The following NCAPH2 variants were observed in gnomAD, a reference collection of about 807,000 sequenced individuals.
NCAPH2 encodes the protein condensin-2 complex subunit H2.
Under a neutral mutation model 88.6 loss-of-function variants are expected in NCAPH2, and 56 were observed. The observed-to-expected ratio is 0.63, with a 90% CI of 0.51 to 0.79. The LOEUF is 0.79. NCAPH2 is among the 30% of genes least tolerant of loss of function. NCAPH2 has a pLI of 0.00. For missense variants in NCAPH2, 794 were observed against 792.0 expected, an observed-to-expected ratio of 1.00 and a Z score of -0.03; for synonymous variants, 378 against 313.6, an observed-to-expected ratio of 1.21 and a Z score of -2.17.
chr22:50,508,334 G>T lies in NCAPH2; in HGVS notation c.-4G>T. On this transcript the variant is annotated 5_prime_UTR_variant, in exon 1 of 20. Transcript: ENST00000420993. ...GTCCCTTTGCCGCCCGTTCCCTCCC[G>T]GACATGGAGGACGTGGAGGCGCGCT... The T allele has an allele frequency of 6.7e-7, 1 of 1,482,784 alleles. No homozygotes were observed. The highest frequency in any genetic ancestry group is 1.3e-5 in the South Asian group (1 of 76,090). 91.9% of individuals were successfully genotyped at this position (1,482,784 alleles called of 1,614,324 possible).
intron 10 of NCAPH2, 53 bp downstream of exon 10, chr22:50,521,089 G>C (rs1272690949): frequency 6.5e-7 from 1 of 1,535,362 alleles, no homozygotes; most frequent in Non-Finnish European, 8.8e-7. Flanking sequence ...CGGATTCGAG[G>C]ACTGGCTGCC....
In NCAPH2 at chr22:50,519,258, C is replaced by A; in HGVS notation, c.799C>A (p.Leu267Ile). 1 of 1,608,620 alleles carries A rather than the reference C, an allele frequency of 6.2e-7. No individual in the cohort carries two copies. The highest frequency in any genetic ancestry group is 8.5e-7 in the Non-Finnish European group (1 of 1,178,184). The change falls in exon 9 of 20, where the codon CTT (leucine) becomes ATT (isoleucine). Residue 267 changes from leucine to isoleucine, a missense_variant. Coordinates refer to ENST00000420993, the MANE Select transcript of NCAPH2 (RefSeq NM_152299.4). ...EDEDAEEAVE[L>I]PEASAPKAAL... ...CGAGGATGCAGAGGAGGCAGTAGAG[C>A]TTCCTGAGGCCTCGGCCCCCAAGGC...
At position 50,522,559 on chromosome 22, in the gene NCAPH2, C is replaced by G. The variant is rs80181807; in HGVS notation, c.1365C>G (p.Ala455=). The change falls in exon 16 of 20, where the codon GCC becomes GCG. Residue 455 remains alanine, a synonymous_variant. Transcript: ENST00000420993. The stretch of plus-strand genomic sequence containing the variant: ...CCGAGGGAGCAGACCCCAGGGAAGC[C>G]GCTGACCTTGGTAGGTGGGCAGCGG... ...MEPEGADPRE[A]ADLDAVPMSL... 1.2e-6 allele frequency: 2 copies of G among 1,613,740 alleles called. No individual in the cohort carries two copies. Among genetic ancestry groups the G allele is most frequent in the Non-Finnish European group, 1.7e-6 (2 of 1,179,984 alleles).
chr22:50,516,150 C>G (rs1603440905), intron 1 of NCAPH2, among the ~76,000 whole-genome samples: 2 of 152,308 alleles, frequency 1.3e-5, no homozygotes, highest in Middle Eastern at 6.8e-3. Flanking sequence ...CTGCTGGAGT[C>G]TGTCAGCCTC....
rs1250061709 is a variant in NCAPH2, at chr22:50,517,769, C to T, written c.380C>T (p.Ser127Phe). The T allele has an allele frequency of 1.2e-6, 2 of 1,614,004 alleles. No homozygotes were observed. Among genetic ancestry groups the T allele is most frequent in the Non-Finnish European group, 8.5e-7 (1 of 1,180,042 alleles). The change falls in exon 5 of 20, where the codon TCC (serine) becomes TTC (phenylalanine). Residue 127 changes from serine to phenylalanine, a missense_variant. Around this residue, in one of 2 missense-constraint regions of NCAPH2, gnomAD observed 735 missense variants for 696.3 expected, o/e 1.06. Coordinates refer to ENST00000420993, the MANE Select transcript of NCAPH2 (RefSeq NM_152299.4). ...CTGTCGCTGGATGACTTCCCTGACT[C>T]CCGGACTAACGTGGATCTCAAGAAT... is the stretch of plus-strand genomic sequence containing the variant. ...EFLSLDDFPD[S>F]RTNVDLKNDQ...
At chr22:50,515,770 G>A (rs2068903954) in intron 1 of NCAPH2, 1 of 1,301,652 alleles carries the variant, frequency 7.7e-7, no homozygotes, top group South Asian at 1.2e-5. Context: ...TGGGGAAGAT[G>A]TTGGGTAAAG....
intron 7 of NCAPH2, among the ~76,000 whole-genome samples, 178 bp from the exon 8 acceptor site, chr22:50,518,471 C>T (rs1200319030): frequency 6.6e-6 from 1 of 152,198 alleles, no homozygotes; most frequent in Non-Finnish European, 1.5e-5. Context: ...TTAACATGGT[C>T]TCAGTGCCAG....
chr22:50,518,149 C>G lies in NCAPH2; in HGVS notation c.517C>G (p.Leu173Val). 6.2e-7 allele frequency: 1 copy of G among 1,614,102 alleles called. No homozygotes were observed. Among genetic ancestry groups the G allele is most frequent in the Non-Finnish European group, 8.5e-7 (1 of 1,179,996 alleles). The stretch of plus-strand genomic sequence containing the variant: ...CCAGCACAGCCGTCAGGGTGAGGTC[C>G]TGGCCAGCCGGAAGGATTTCAGGAT... Reference protein sequence around the residue: ...NPLYSRQGEVLASRKDFRMNT... With the variant: ...NPLYSRQGEVVASRKDFRMNT... Residue 173 changes from leucine (L) to valine (V), a missense_variant, in exon 7 of 20, where the codon CTG (leucine) becomes GTG (valine). Physicochemically the swap from Leu to Val is conservative, Grantham distance 32. Transcript: ENST00000420993.
chr22:50,517,317 A>T lies in NCAPH2; in HGVS notation c.211-110A>T, dbSNP rs950199829. 3 of 1,073,038 alleles carry T rather than the reference A, an allele frequency of 2.8e-6. No individual in the cohort carries two copies. The African/African-American group carries it at 4.7e-5, about 17-fold the overall frequency. The allele number at this position is 1,073,038 out of a possible 1,614,324, so 66.5% of individuals were successfully genotyped here. The stretch of plus-strand genomic sequence containing the variant: ...CAAAATTGGTGGTTTCTTGTACTGG[A>T]GGTTTGGTGGTGGTGGCCAGGCCTC... On this transcript the variant is annotated intron_variant, in intron 2 of 19. Coordinates refer to ENST00000420993, the MANE Select transcript of NCAPH2 (RefSeq NM_152299.4).
chr22:50,517,957 C>A lies in NCAPH2; in HGVS notation c.421-16C>A. 1.2e-6 allele frequency: 2 copies of A among 1,611,826 alleles called. No homozygotes were observed. The highest frequency in any genetic ancestry group is 1.7e-6 in the Non-Finnish European group (2 of 1,178,704). On this transcript the variant is annotated splice_polypyrimidine_tract_variant and intron_variant, in intron 5 of 19. Coordinates refer to ENST00000420993, the MANE Select transcript of NCAPH2 (RefSeq NM_152299.4). ...TGGAAGGGTGCCTGGCTCACCCACC[C>A]TTGGCCTCCATGCAGGAGGTCCTCA...
chr22:50,521,653 G>C (rs755156991), intron 11 of NCAPH2, 44 bp downstream of exon 11: 1 of 1,596,646 alleles, frequency 6.3e-7, no homozygotes, highest in Non-Finnish European at 8.6e-7. Context: ...CCCTGGCTGG[G>C]TTTCCTGGGG....
At chr22:50,522,633 G>A in intron 16 of NCAPH2, 38 bp from the exon 17 acceptor site, 2 of 1,613,530 alleles carry the variant, frequency 1.2e-6, no homozygotes, top group Non-Finnish European at 1.7e-6. Context: ...GGAGAGCGTG[G>A]CCCCTTAGCT....
intron 8 of NCAPH2, 54 bp downstream of exon 8, chr22:50,518,786 G>A: frequency 1.3e-6 from 2 of 1,514,154 alleles, no homozygotes; most frequent in Non-Finnish European, 1.8e-6. Flanking sequence ...AGGGGACCAG[G>A]GAGGCAGCAC....
intron 4 of NCAPH2, 23 bp downstream of exon 4, chr22:50,517,684 C>T: frequency 6.2e-7 from 1 of 1,614,096 alleles, no homozygotes; most frequent in Non-Finnish European, 8.5e-7. Context: ...GGCATGTGGT[C>T]CCCGCCCACT....
At chr22:50,509,492 T>C in intron 1 of NCAPH2, among the ~76,000 whole-genome samples, 1 of 152,226 alleles carries the variant, frequency 6.6e-6, no homozygotes, top group East Asian at 1.9e-4. Context: ...TAACACTCAG[T>C]TCATCCATGA....
chr22:50,524,501 C>T lies in NCAPH2; in HGVS notation c.*1126C>T, dbSNP rs1222795648. The T allele has an allele frequency of 7.4e-7, 1 of 1,356,476 alleles. No homozygotes were observed. Among genetic ancestry groups the T allele is most frequent in the Non-Finnish European group, 1.0e-6 (1 of 963,700 alleles). 84.0% of individuals were successfully genotyped at this position (1,356,476 alleles called of 1,614,324 possible). A position where few individuals can be genotyped will look rare whatever the true frequency, so the allele number is the denominator to read the frequency against. On this transcript the variant is annotated 3_prime_UTR_variant, in exon 20 of 20. Coordinates refer to ENST00000420993, the MANE Select transcript of NCAPH2 (RefSeq NM_152299.4). ...CCTGGGCTGCCCCTGCGACTTGAGA[C>T]CAGCCACCCATCTGAAGGACCCAGC...
rs1332015458 is a variant in NCAPH2 at position 50,522,727 on chromosome 22, C to T, written c.1425+7C>T. 2.5e-6 allele frequency: 4 copies of T among 1,613,380 alleles called. No individual in the cohort carries two copies. Among genetic ancestry groups the T allele is most frequent in the Non-Finnish European group, 3.4e-6 (4 of 1,179,924 alleles). On this transcript the variant is annotated splice_region_variant and intron_variant, in intron 17 of 19. Transcript: ENST00000420993. ...GCTGGTTCGAAGGAATGTGGTAGGC[C>T]TGGGTTAGAGGGAGACGGGGAGGGG...
intron 1 of NCAPH2, chr22:50,515,744 G>A (rs1344129177): frequency 1.3e-5 from 16 of 1,238,446 alleles, no homozygotes; most frequent in Non-Finnish European, 1.5e-5. Flanking sequence ...AAGGAATACA[G>A]GAGATGAGCC....
rs780923245 is a variant in NCAPH2, at chr22:50,517,737, C to G, written c.352-4C>G. On this transcript the variant is annotated splice_polypyrimidine_tract_variant and splice_region_variant and intron_variant, in intron 4 of 19. Coordinates refer to ENST00000420993, the MANE Select transcript of NCAPH2 (RefSeq NM_152299.4). ...CCGCCCCCACGAGCTCTGTCTCCCT[C>G]CAGTTCCTGTCGCTGGATGACTTCC... 4.3e-6 allele frequency: 7 copies of G among 1,614,104 alleles called. No homozygotes were observed. The East Asian group carries it at 1.6e-4, about 36-fold the overall frequency.
Sources: allele counts gnomAD v4.1 joint callset (sites outside exome capture counted in the v4.1 genomes callset), GRCh38; gene constraint gnomAD v4.1.1; regional missense constraint gnomAD v4.1.1; transcripts MANE v1.5; gene names NCBI Gene and HGNC (gene_info 2026-07-23, HGNC 2026-07-21).